ABCC4: variants seen among roughly 807,000 people sequenced by gnomAD.
The protein encoded by ABCC4 is ATP binding cassette subfamily C member 4 (PEL blood group).
A neutral mutation model predicts 168.5 loss-of-function variants in ABCC4; 102 were observed. The ratio of observed to expected loss-of-function variants is 0.61; its 90% CI spans 0.52 to 0.71. ABCC4 has a LOEUF of 0.71. ABCC4 is among the 30% of genes least tolerant of loss of function. The pLI is 0.00. For missense variants in ABCC4, 1,402 were observed against 1,605.8 expected, an observed-to-expected ratio of 0.87 and a Z score of 2.17; for synonymous variants, 617 against 590.7, an observed-to-expected ratio of 1.04 and a Z score of -0.65.
chr13:95,178,113 G>A (rs145881658), intron 11 of ABCC4, 22 bp from the exon 12 acceptor site: 1 of 1,603,024 alleles, frequency 6.2e-7, no homozygotes, highest in East Asian at 2.2e-5. Context: ...AAGGAAAGAA[G>A]GGGGGAAAAA....
intron 20 of ABCC4, among the ~76,000 whole-genome samples, chr13:95,109,904 T>G (rs1412038027): frequency 6.6e-6 from 1 of 151,954 alleles, no homozygotes; most frequent in African/African-American, 2.4e-5. Flanking sequence ...GCTTCTCAGG[T>G]GGATGAAGAT....
intron 19 of ABCC4, among the ~76,000 whole-genome samples, chr13:95,131,282 C>T (rs569863729): frequency 1.1e-4 from 17 of 152,176 alleles, no homozygotes; most frequent in South Asian, 6.2e-4. Flanking sequence ...CAAGAGGGGA[C>T]GCACAACAAA....
chr13:95,283,340 C>A (rs896643831), intron 1 of ABCC4, among the ~76,000 whole-genome samples: 1 of 149,492 alleles, frequency 6.7e-6, no homozygotes, highest in Non-Finnish European at 1.5e-5. Flanking sequence ...AATCCTAGAG[C>A]CACCTTGAAG....
At chr13:95,266,613 C>A (rs934822722) in intron 1 of ABCC4, among the ~76,000 whole-genome samples, 2 of 152,138 alleles carry the variant, frequency 1.3e-5, no homozygotes, top group African/African-American at 4.8e-5. Flanking sequence ...TTGCATGTGA[C>A]AGGGCTGAGA....
chr13:95,157,093 C>T (rs1405749890), intron 19 of ABCC4, among the ~76,000 whole-genome samples: 2 of 119,140 alleles, frequency 1.7e-5, no homozygotes, highest in Non-Finnish European at 3.9e-5. Context: ...CTCTACCACA[C>T]ACACACACAC....
chr13:95,022,847 T>C (rs1234264065), intron 30 of ABCC4, among the ~76,000 whole-genome samples: 3 of 152,226 alleles, frequency 2.0e-5, no homozygotes, highest in African/African-American at 7.2e-5. Context: ...TTCTCTCACT[T>C]CTTGCACACT....
chr13:95,186,077 C>T (rs551832483), intron 11 of ABCC4, among the ~76,000 whole-genome samples: 8 of 151,984 alleles, frequency 5.3e-5, no homozygotes, highest in East Asian at 3.9e-4. Flanking sequence ...CGGAGTCTGA[C>T]GCAAACCAAT....
Position 95,113,734 on chromosome 13 carries a change from C to T in ABCC4, c.2535+2188G>A, listed in dbSNP as rs560064304. ...CCTGGCGATACCTCAGTCAAAAGCC[C>T]ACTCATCGAATGCAAATCCCCGGGA... On this transcript the variant is annotated intron_variant, in intron 20 of 30. Coordinates refer to ENST00000645237, the MANE Select transcript of ABCC4 (RefSeq NM_005845.5). 3.9e-5 allele frequency among the ~76,000 whole-genome samples: 6 copies of T among 152,168 alleles called. No homozygotes were observed. In the South Asian group the frequency reaches 8.3e-4, roughly 21 times the overall value.
At chr13:95,038,387 A>G (rs2032213105) in intron 29 of ABCC4, among the ~76,000 whole-genome samples, 1 of 151,450 alleles carries the variant, frequency 6.6e-6, no homozygotes, top group African/African-American at 2.4e-5. Context: ...AAAAAAAAAA[A>G]AAAAAAAAGA....
chr13:95,227,413 G>A (rs1157281234), intron 4 of ABCC4, among the ~76,000 whole-genome samples: 1 of 152,142 alleles, frequency 6.6e-6, no homozygotes, highest in South Asian at 2.1e-4. Context: ...GGGGAGAAAA[G>A]TTTTTGAAAC....
intron 1 of ABCC4, among the ~76,000 whole-genome samples, chr13:95,286,349 A>C (rs1278811543): frequency 6.6e-6 from 1 of 151,562 alleles, no homozygotes; most frequent in African/African-American, 2.4e-5. Context: ...CCAACTCCTG[A>C]CCTCAGGTGA....
chr13:95,096,175 C>A, intron 20 of ABCC4: 1 of 637,916 alleles, frequency 1.6e-6, no homozygotes, highest in Non-Finnish European at 2.8e-6. Flanking sequence ...AGCGAGATCC[C>A]ATCTCTATGA....
intron 30 of ABCC4, among the ~76,000 whole-genome samples, chr13:95,029,198 A>C (rs187977669): frequency 0.021 from 1,692 of 81,848 alleles, 48 homozygotes; most frequent in Admixed American, 0.1. Flanking sequence ...ATATATATAT[A>C]TATATATATA....
chr13:95,271,159 G>A (rs2040838040), intron 1 of ABCC4, among the ~76,000 whole-genome samples: 1 of 152,198 alleles, frequency 6.6e-6, no homozygotes, highest in Non-Finnish European at 1.5e-5. Flanking sequence ...CCAAGAAATA[G>A]CCAGATGGCC....
At chr13:95,125,932 G>A (rs1184555845) in intron 19 of ABCC4, among the ~76,000 whole-genome samples, 1 of 152,192 alleles carries the variant, frequency 6.6e-6, no homozygotes, top group Non-Finnish European at 1.5e-5. Flanking sequence ...TCCCTGGACA[G>A]CAACAGGTAG....
intron 19 of ABCC4, among the ~76,000 whole-genome samples, chr13:95,157,088 CCACA>C (rs67671921): frequency 0.021 from 2,762 of 134,634 alleles, 42 homozygotes; most frequent in South Asian, 0.037. Flanking sequence ...TGAGACTCTA[CCACA>C]CACACACACA....
intron 3 of ABCC4, among the ~76,000 whole-genome samples, chr13:95,244,744 C>CA (rs1454535054): frequency 6.6e-6 from 1 of 151,490 alleles, no homozygotes; most frequent in Non-Finnish European, 1.5e-5. Context: ...TTGCTACTAT[C>CA]ACTGCTGCTG....
rs543134400 is a variant in ABCC4, at chr13:95,046,660, G to A, written c.3457-2222C>T. Among the ~76,000 whole-genome samples the A allele has an allele frequency of 6.6e-5, 10 of 152,164 alleles. No individual in the cohort carries two copies. The South Asian group carries it at 1.9e-3, about 28-fold the overall frequency. ...GCGGGCACTTGTAATCCCATTAGGA[G>A]GCTGAGGCAGGAGAATTGCTTGAAC... On this transcript the variant is annotated intron_variant, in intron 27 of 30. Transcript: ENST00000645237.
chr13:95,090,841 C>T (rs746313881), intron 20 of ABCC4, among the ~76,000 whole-genome samples: 13 of 151,938 alleles, frequency 8.6e-5, no homozygotes, highest in Non-Finnish European at 1.8e-4. Flanking sequence ...CAGGGGGGCA[C>T]CAGAGAAAGG....
Sources: gnomAD v4.1 joint callset for allele counts (sites outside exome capture counted in the v4.1 genomes callset) on GRCh38, gnomAD v4.1.1 for gene constraint, MANE v1.5 for transcripts, NCBI Gene and HGNC (gene_info 2026-07-23, HGNC 2026-07-21) for gene names.